CDK19: variants seen among roughly 807,000 people sequenced by gnomAD.
CDK19 encodes the protein cyclin-dependent kinase 19.
A neutral mutation model predicts 68.3 loss-of-function variants in CDK19; 20 were observed. That is an observed-to-expected ratio of 0.29 (90% CI 0.21 to 0.43). CDK19 has a LOEUF of 0.43. Ranked by LOEUF, CDK19 falls within the 20% of genes least tolerant of loss-of-function variation. The probability of loss-of-function intolerance (pLI) is 1.00; values close to 1 mark genes in which losing one functional copy is unlikely to be tolerated. For synonymous variants in CDK19, 221 were observed against 222.8 expected (o/e 0.99, Z 0.07); for missense variants, 339 against 623.5 (o/e 0.54, Z 4.86).
At chr6:110,646,583 C>T in intron 4 of CDK19, 1 of 806,742 alleles carries the variant, frequency 1.2e-6, no homozygotes, top group Non-Finnish European at 1.8e-6. Context: ...AGGGGGTCAA[C>T]CGGGCCAACG....
rs114372303 is a variant in CDK19, at chr6:110,742,787, C to T, written c.204+3339G>A. On this transcript the variant is annotated intron_variant, in intron 2 of 12. Coordinates refer to ENST00000368911, the MANE Select transcript of CDK19 (RefSeq NM_015076.5). ...TTTGGTTAGACCGGATCTCTGCTCTCGAATCCTGTTTTCTGTTGAGATGTT... is the reference window on the plus strand; with the variant it reads ...TTTGGTTAGACCGGATCTCTGCTCTTGAATCCTGTTTTCTGTTGAGATGTT... Among the ~76,000 whole-genome samples, 442 of 152,234 alleles carry T rather than the reference C, an allele frequency of 2.9e-3. 5 individuals are homozygous for T. Among genetic ancestry groups the T allele is most frequent in the African/African-American group, 8.7e-3 (360 of 41,532 alleles).
intron 4 of CDK19, among the ~76,000 whole-genome samples, chr6:110,656,894 C>T (rs1489085904): frequency 6.6e-6 from 1 of 152,210 alleles, no homozygotes; most frequent in Non-Finnish European, 1.5e-5. Flanking sequence ...CATTAACATC[C>T]ATGGTAGGAA....
At chr6:110,645,878 C>T (rs1158217989) in intron 4 of CDK19, 8 of 729,436 alleles carry the variant, frequency 1.1e-5, no homozygotes, top group Middle Eastern at 2.5e-4. Context: ...CTATCGTAGA[C>T]GAAAACAGCG....
intron 2 of CDK19, among the ~76,000 whole-genome samples, chr6:110,684,083 C>T (rs13192905): frequency 6.6e-6 from 1 of 151,778 alleles, no homozygotes; most frequent in Non-Finnish European, 1.5e-5. Context: ...TGAATATACA[C>T]AATTTAAATA....
At chr6:110,724,642 A>C (rs1776191812) in intron 2 of CDK19, among the ~76,000 whole-genome samples, 1 of 152,238 alleles carries the variant, frequency 6.6e-6, no homozygotes, top group Admixed American at 6.5e-5. Context: ...AGGTGCACTA[A>C]AAGTAAAAAT....
chr6:110,612,959 A>T lies in CDK19; in HGVS notation c.*1576T>A, dbSNP rs879598212. 1 of 152,688 alleles carries T rather than the reference A, an allele frequency of 6.5e-6. No homozygotes were observed. Among genetic ancestry groups the T allele is most frequent in the Non-Finnish European group, 1.5e-5 (1 of 68,046 alleles). The allele number at this position is 152,688 out of a possible 1,614,324, so 9.5% of individuals were successfully genotyped here. A position where few individuals can be genotyped will look rare whatever the true frequency, so the allele number is the denominator to read the frequency against. ...GACCCACAGTATCATAACCAGGTAGATAAGTTCAGAAAGAATAGTTTTTAA... is the reference window on the plus strand; with the variant it reads ...GACCCACAGTATCATAACCAGGTAGTTAAGTTCAGAAAGAATAGTTTTTAA... On this transcript the variant is annotated 3_prime_UTR_variant, in exon 13 of 13. Coordinates refer to ENST00000368911, the MANE Select transcript of CDK19 (RefSeq NM_015076.5).
At chr6:110,721,815 T>G (rs1357489631) in intron 2 of CDK19, among the ~76,000 whole-genome samples, 2 of 151,702 alleles carry the variant, frequency 1.3e-5, no homozygotes, top group Non-Finnish European at 2.9e-5. Flanking sequence ...AATACAAAAA[T>G]TAGCCAGGCG....
chr6:110,622,134 T>C lies in CDK19; in HGVS notation c.1064A>G (p.Lys355Arg). The C allele has an allele frequency of 6.2e-7, 1 of 1,612,904 alleles. No homozygotes were observed. Among genetic ancestry groups the C allele is most frequent in the Non-Finnish European group, 8.5e-7 (1 of 1,179,178 alleles). The change falls in exon 11 of 13, where the codon AAA becomes AGA. Residue 355 changes from lysine to arginine, a missense_variant. Transcript: ENST00000368911. ...ATCATCTTCATTAAGGAATTCTCGT[T>C]TGGGGTATGGAATCTGGCAGCCGGC... ...VFAGCQIPYP[K>R]REFLNEDDPE...
chr6:110,768,998 C>T (rs1258832768), intron 1 of CDK19, among the ~76,000 whole-genome samples: 1 of 150,120 alleles, frequency 6.7e-6, no homozygotes, highest in African/African-American at 2.5e-5. Context: ...ACTAAAAATA[C>T]AGAAAAATTA....
chr6:110,693,435 G>C (rs1003041478), intron 2 of CDK19, among the ~76,000 whole-genome samples: 1 of 152,212 alleles, frequency 6.6e-6, no homozygotes, highest in Non-Finnish European at 1.5e-5. Context: ...AGGCACTCCC[G>C]GTCTCCGGCA....
intron 1 of CDK19, among the ~76,000 whole-genome samples, chr6:110,748,778 G>GT (rs1562256666): frequency 6.6e-6 from 1 of 152,162 alleles, no homozygotes; most frequent in African/African-American, 2.4e-5. Flanking sequence ...CTCATCCCAC[G>GT]TGAGTGCCCC....
At chr6:110,789,720 T>A (rs1781465419) in intron 1 of CDK19, among the ~76,000 whole-genome samples, 2 of 152,222 alleles carry the variant, frequency 1.3e-5, no homozygotes, top group African/African-American at 4.8e-5. Context: ...AAATTTTAAC[T>A]TTTTATAATA....
intron 1 of CDK19, among the ~76,000 whole-genome samples, chr6:110,755,344 G>C (rs1325937023): frequency 1.3e-5 from 2 of 152,014 alleles, no homozygotes; most frequent in African/African-American, 4.8e-5. Context: ...CTAGCCCCTT[G>C]TGAGTCTTTA....
At chr6:110,811,954 T>C (rs1001829889) in intron 1 of CDK19, among the ~76,000 whole-genome samples, 2 of 151,586 alleles carry the variant, frequency 1.3e-5, no homozygotes, top group African/African-American at 2.4e-5. Flanking sequence ...TCCCAGCATT[T>C]TGGGAGGCTG....
intron 2 of CDK19, among the ~76,000 whole-genome samples, chr6:110,693,334 G>A (rs1223225478): frequency 6.6e-6 from 1 of 152,260 alleles, no homozygotes; most frequent in African/African-American, 2.4e-5. Context: ...TCCAGATCAT[G>A]GGAGAAGGAT....
chr6:110,734,520 G>GCTCTCTCTCTCTCTCTCT (rs34004722), intron 2 of CDK19, among the ~76,000 whole-genome samples: 4,523 of 85,688 alleles, frequency 0.053, 1,068 homozygotes, highest in Non-Finnish European at 0.071. Flanking sequence ...GGTGAGCACT[G>GCTCTCTCTCTCTCTCTCT]CTCTCTCTCT....
intron 1 of CDK19, among the ~76,000 whole-genome samples, chr6:110,805,378 A>G (rs906685074): frequency 2.0e-5 from 3 of 152,194 alleles, no homozygotes; most frequent in Non-Finnish European, 4.4e-5. Context: ...TAAACATCCA[A>G]ATACTCTAAT....
intron 2 of CDK19, among the ~76,000 whole-genome samples, chr6:110,735,215 G>A (rs539909167): frequency 7.9e-5 from 12 of 151,496 alleles, no homozygotes; most frequent in African/African-American, 2.7e-4. Flanking sequence ...CCAAAGTGCT[G>A]GGTTTACAGG....
intron 2 of CDK19, among the ~76,000 whole-genome samples, chr6:110,727,409 C>T (rs1776391448): frequency 6.6e-6 from 1 of 152,078 alleles, no homozygotes. Flanking sequence ...CTTACTGTAC[C>T]TACTCTTTCA....
Sources: gnomAD v4.1 joint callset for allele counts (sites outside exome capture counted in the v4.1 genomes callset) on GRCh38, gnomAD v4.1.1 for gene constraint, MANE v1.5 for transcripts, NCBI Gene and HGNC (gene_info 2026-07-23, HGNC 2026-07-21) for gene names.